MALRD1: variants seen among roughly 807,000 people sequenced by gnomAD.
MALRD1 encodes MAM and LDL-receptor class A domain-containing protein 1.
MALRD1 carries 247 observed loss-of-function variants against 242.1 expected under a neutral mutation model. That is an observed-to-expected ratio of 1.02 (90% CI 0.92 to 1.13). MALRD1 has a LOEUF of 1.13. Ranked by LOEUF, MALRD1 falls within the 50% of genes most tolerant of loss-of-function variation. The pLI, the probability that MALRD1 is intolerant of heterozygous loss-of-function variation, is 0.00. For synonymous variants in MALRD1, 995 were observed against 866.6 expected, an observed-to-expected ratio of 1.15 and a Z score of -2.60; for missense variants, 2,989 against 2,533.1, an observed-to-expected ratio of 1.18 and a Z score of -3.86.
chr10:19,408,973 T>C lies in MALRD1; in HGVS notation c.4845+19364T>C, dbSNP rs186069778. On this transcript the variant is annotated intron_variant, in intron 28 of 39. Coordinates refer to ENST00000454679, the MANE Select transcript of MALRD1 (RefSeq NM_001142308.3). ...TATCCCAGAGAAATGAAGACTTATG[T>C]TCACATGAATACCTGTACACAGATG... 1.7e-3 allele frequency among the ~76,000 whole-genome samples: 257 copies of C among 152,340 alleles called. 1 individual carries two copies. Among genetic ancestry groups the C allele is most frequent in the African/African-American group, 5.7e-3 (237 of 41,582 alleles).
rs553011258 is a variant in MALRD1, at chr10:19,202,946, G to A, written c.1952-782G>A. Reference sequence around the variant, plus strand: ...ATTAATAACTTCTCTCAACCTCTCTGTCTTCTTTTGTAAAATAACAACAAC... The same window carrying A: ...ATTAATAACTTCTCTCAACCTCTCTATCTTCTTTTGTAAAATAACAACAAC... On this transcript the variant is annotated intron_variant, in intron 14 of 39. Coordinates refer to ENST00000454679, the MANE Select transcript of MALRD1 (RefSeq NM_001142308.3). Among the ~76,000 whole-genome samples the A allele has an allele frequency of 2.0e-5, 3 of 152,032 alleles. No individual in the cohort carries two copies. The South Asian group carries it at 6.2e-4, about 32-fold the overall frequency.
intron 14 of MALRD1, among the ~76,000 whole-genome samples, chr10:19,194,373 G>A (rs1836136511): frequency 6.6e-6 from 1 of 152,022 alleles, no homozygotes; most frequent in Non-Finnish European, 1.5e-5. Flanking sequence ...CGAGTTACAA[G>A]AGTTCCTGGT....
chr10:19,547,798 ATATATATATATATATATATATTTTTTT>A (rs1835278968), intron 32 of MALRD1, among the ~76,000 whole-genome samples: 1 of 12,338 alleles, frequency 8.1e-5, no homozygotes, highest in African/African-American at 2.3e-4. Flanking sequence ...ATATATATAT[ATATATATATATATATATATATTTTTTT>A]TTTTTTTTTT....
At chr10:19,277,203 G>T (rs1475535183) in intron 19 of MALRD1, among the ~76,000 whole-genome samples, 1 of 152,140 alleles carries the variant, frequency 6.6e-6, no homozygotes, top group Admixed American at 6.5e-5. Flanking sequence ...TGGGATTATA[G>T]GTGTGAGCCA....
intron 26 of MALRD1, among the ~76,000 whole-genome samples, chr10:19,375,141 T>A (rs983031070): frequency 2.0e-5 from 3 of 152,138 alleles, no homozygotes; most frequent in African/African-American, 7.2e-5. Context: ...CCATAACCAA[T>A]AACCAGGTCA....
chr10:19,133,452 T>G (rs185929397), intron 8 of MALRD1, among the ~76,000 whole-genome samples: 1 of 152,210 alleles, frequency 6.6e-6, no homozygotes, highest in Non-Finnish European at 1.5e-5. Flanking sequence ...TTAACCTTTA[T>G]ATTGTTTGCC....
At chr10:19,174,127 A>G (rs766077122) in intron 13 of MALRD1, among the ~76,000 whole-genome samples, 4 of 152,128 alleles carry the variant, frequency 2.6e-5, no homozygotes, top group African/African-American at 7.2e-5. Context: ...ATATGATCTC[A>G]TTGTAAAAAC....
At chr10:19,168,738 A>C (rs1435953242) in intron 13 of MALRD1, among the ~76,000 whole-genome samples, 1 of 152,136 alleles carries the variant, frequency 6.6e-6, no homozygotes, top group Non-Finnish European at 1.5e-5. Context: ...GAGGGTTTCT[A>C]ACCCAGCCCT....
intron 5 of MALRD1, among the ~76,000 whole-genome samples, chr10:19,105,547 T>A (rs1006445178): frequency 6.6e-6 from 1 of 152,018 alleles, no homozygotes; most frequent in Non-Finnish European, 1.5e-5. Context: ...GGATAAATAC[T>A]CAGAAGTGGG....
At chr10:19,454,431 T>TATATATATATATATATATATATATA (rs1011890675) in intron 29 of MALRD1, among the ~76,000 whole-genome samples, 2 of 136,712 alleles carry the variant, frequency 1.5e-5, no homozygotes, top group Non-Finnish European at 3.1e-5. Flanking sequence ...TATATATATA[T>TATATATATATATATATATATATATA]AATTATATGA....
intron 19 of MALRD1, among the ~76,000 whole-genome samples, chr10:19,265,187 T>C (rs1023344624): frequency 2.0e-5 from 3 of 152,046 alleles, no homozygotes; most frequent in Admixed American, 6.6e-5. Context: ...TTGAGTTTCA[T>C]TGATCTTTTT....
chr10:19,629,293 G>T (rs572425707), intron 36 of MALRD1, among the ~76,000 whole-genome samples: 7 of 152,132 alleles, frequency 4.6e-5, no homozygotes, highest in Non-Finnish European at 8.8e-5. Flanking sequence ...GATTCTGTTC[G>T]CTGGTCATTG....
At chr10:19,502,322 G>A (rs959535392) in intron 31 of MALRD1, among the ~76,000 whole-genome samples, 9 of 151,914 alleles carry the variant, frequency 5.9e-5, no homozygotes, top group Admixed American at 2.0e-4. Context: ...TAAAGCCATC[G>A]ATAAGCCTTA....
intron 28 of MALRD1, among the ~76,000 whole-genome samples, chr10:19,449,391 G>A (rs938868920): frequency 1.3e-5 from 2 of 152,036 alleles, no homozygotes; most frequent in African/African-American, 4.8e-5. Flanking sequence ...TGGCCAAGAT[G>A]GTCTCAATCT....
intron 18 of MALRD1, among the ~76,000 whole-genome samples, chr10:19,250,505 A>G (rs1564502678): frequency 6.6e-6 from 1 of 151,996 alleles, no homozygotes; most frequent in Non-Finnish European, 1.5e-5. Flanking sequence ...TTCAAGTAGC[A>G]AACTAATTTC....
intron 38 of MALRD1, among the ~76,000 whole-genome samples, chr10:19,694,458 A>G (rs1386523767): frequency 6.6e-6 from 1 of 152,256 alleles, no homozygotes; most frequent in Non-Finnish European, 1.5e-5. Context: ...TGCAGCCAAC[A>G]GACACATGAA....
chr10:19,282,366 A>G (rs1351687795), intron 20 of MALRD1, among the ~76,000 whole-genome samples: 1 of 152,224 alleles, frequency 6.6e-6, no homozygotes, highest in Non-Finnish European at 1.5e-5. Flanking sequence ...TAAAAGCTAG[A>G]GTGCACACCA....
intron 28 of MALRD1, among the ~76,000 whole-genome samples, chr10:19,414,748 C>A (rs1419230515): frequency 6.6e-6 from 1 of 152,098 alleles, no homozygotes; most frequent in Non-Finnish European, 1.5e-5. Context: ...TCGTCTGAGG[C>A]ACTGATTCCC....
chr10:19,530,420 T>TAG (rs1564417414), intron 31 of MALRD1, among the ~76,000 whole-genome samples: 1 of 32,764 alleles, frequency 3.1e-5, no homozygotes, highest in African/African-American at 1.2e-4. Context: ...TATATAATAA[T>TAG]AAATATATAA....
Sources: allele counts gnomAD v4.1 joint callset (sites outside exome capture counted in the v4.1 genomes callset), GRCh38; gene constraint gnomAD v4.1.1; transcripts MANE v1.5; gene names NCBI Gene and HGNC (gene_info 2026-07-23, HGNC 2026-07-21).